The following SLC24A3 variants were observed in gnomAD, a reference collection of about 807,000 sequenced individuals.
The protein encoded by SLC24A3 is solute carrier family 24 member 3.
Under a neutral mutation model 75.8 loss-of-function variants are expected in SLC24A3, and 28 were observed. The ratio of observed to expected loss-of-function variants is 0.37; its 90% CI spans 0.27 to 0.51. SLC24A3 has a LOEUF of 0.51. Among genes scored for constraint, SLC24A3 ranks in the 20% least tolerant of loss-of-function variants. The pLI is 0.94. For missense variants in SLC24A3, 663 were observed against 847.8 expected, an observed-to-expected ratio of 0.78 and a Z score of 2.71; for synonymous variants, 372 against 334.1, an observed-to-expected ratio of 1.11 and a Z score of -1.24.
intron 11 of SLC24A3, among the ~76,000 whole-genome samples, chr20:19,684,601 T>C (rs1293873343): frequency 6.6e-6 from 1 of 152,202 alleles, no homozygotes; most frequent in East Asian, 1.9e-4. Context: ...TTTTCTTCTA[T>C]TCTTCCATTT....
chr20:19,244,640 A>G (rs1426947472), intron 1 of SLC24A3, among the ~76,000 whole-genome samples: 3 of 152,306 alleles, frequency 2.0e-5, no homozygotes, highest in East Asian at 1.9e-4. Context: ...TCAGGTGTCT[A>G]TCCTCAGGGC....
chr20:19,685,361 T>C lies in SLC24A3; in HGVS notation c.1324T>C (p.Ser442Pro). Residue 442 changes from serine to proline, a missense_variant and splice_region_variant, in exon 12 of 17, where the codon TCG (serine) becomes CCG (proline). This residue lies in a region of SLC24A3 where 510 missense variants were observed against 703.6 expected (regional missense o/e 0.72). Coordinates refer to ENST00000328041, the MANE Select transcript of SLC24A3 (RefSeq NM_020689.4). ...ACCGTACACACCATTCGACACCCCC[T>C]GTAAGAGGTTCTATGTCTGGGCTGG... ...EGPYTPFDTP[S>P]GKLETVKWAF... 1.2e-6 allele frequency: 2 copies of C among 1,613,234 alleles called. No homozygotes were observed. The highest frequency in any genetic ancestry group is 1.7e-6 in the Non-Finnish European group (2 of 1,179,250).
chr20:19,534,897 T>C (rs1344448249), intron 3 of SLC24A3, among the ~76,000 whole-genome samples: 3 of 152,230 alleles, frequency 2.0e-5, no homozygotes, highest in Non-Finnish European at 4.4e-5. Flanking sequence ...ATAGGTATTG[T>C]ATAGAAAATG....
intron 6 of SLC24A3, among the ~76,000 whole-genome samples, chr20:19,636,019 G>A (rs969784566): frequency 1.3e-5 from 2 of 152,006 alleles, no homozygotes; most frequent in African/African-American, 4.8e-5. Flanking sequence ...GGGCGCCTGT[G>A]GTCCCAGCTA....
At chr20:19,287,437 G>A (rs1300896023) in intron 2 of SLC24A3, among the ~76,000 whole-genome samples, 1 of 152,220 alleles carries the variant, frequency 6.6e-6, no homozygotes, top group African/African-American at 2.4e-5. Context: ...AACAGGTTTG[G>A]TGAACTGCTA....
chr20:19,629,948 T>C (rs962134118), intron 6 of SLC24A3, among the ~76,000 whole-genome samples: 2 of 152,160 alleles, frequency 1.3e-5, no homozygotes, highest in African/African-American at 4.8e-5. Context: ...CAAACAAAAG[T>C]ATACAAAAAT....
intron 2 of SLC24A3, among the ~76,000 whole-genome samples, chr20:19,429,279 G>A (rs1987062610): frequency 6.6e-6 from 1 of 152,210 alleles, no homozygotes; most frequent in Non-Finnish European, 1.5e-5. Context: ...CCCAGAGGAG[G>A]CTGCTGATAT....
At chr20:19,720,965 C>T (rs1031157877) in intron 16 of SLC24A3, 26 bp from the exon 17 acceptor site, 45 of 1,611,978 alleles carry the variant, frequency 2.8e-5, no homozygotes, top group Non-Finnish European at 3.6e-5. Context: ...TCCTGGTGCC[C>T]TCTGAACCTG....
intron 1 of SLC24A3, among the ~76,000 whole-genome samples, chr20:19,250,610 G>A (rs959210126): frequency 6.6e-6 from 1 of 152,186 alleles, no homozygotes; most frequent in Non-Finnish European, 1.5e-5. Flanking sequence ...CAGAAGAGAG[G>A]TGTGGCTAGA....
At chr20:19,445,176 C>G (rs187790352) in intron 2 of SLC24A3, among the ~76,000 whole-genome samples, 100 of 152,208 alleles carry the variant, frequency 6.6e-4, no homozygotes, top group African/African-American at 2.3e-3. Flanking sequence ...TGGCTTCCAC[C>G]ATCATTAGTC....
intron 2 of SLC24A3, among the ~76,000 whole-genome samples, chr20:19,492,006 G>C (rs572746158): frequency 6.6e-6 from 1 of 152,138 alleles, no homozygotes; most frequent in Non-Finnish European, 1.5e-5. Flanking sequence ...TCAAAGAGAA[G>C]GTGCATGTGC....
At chr20:19,618,541 G>A (rs1675872045) in intron 6 of SLC24A3, among the ~76,000 whole-genome samples, 1 of 152,166 alleles carries the variant, frequency 6.6e-6, no homozygotes, top group Non-Finnish European at 1.5e-5. Flanking sequence ...TCCAAATACA[G>A]CTGCCTTCTG....
chr20:19,612,113 G>T (rs6075543), intron 6 of SLC24A3, among the ~76,000 whole-genome samples: 140,857 of 152,252 alleles, frequency 0.93, 65,708 homozygotes, highest in Non-Finnish European at 0.98. Context: ...CTACTTGACA[G>T]TCTCAAATAT....
intron 2 of SLC24A3, among the ~76,000 whole-genome samples, chr20:19,315,212 G>T (rs1984557612): frequency 6.6e-6 from 1 of 152,036 alleles, no homozygotes; most frequent in Non-Finnish European, 1.5e-5. Flanking sequence ...CTCTGTGCTG[G>T]GCAGACCTGA....
intron 1 of SLC24A3, among the ~76,000 whole-genome samples, chr20:19,232,381 T>C (rs1982048101): frequency 6.6e-6 from 1 of 152,270 alleles, no homozygotes; most frequent in Non-Finnish European, 1.5e-5. Context: ...GTTGTATTTT[T>C]GACTTTTAAA....
At chr20:19,543,440 A>G (rs2030536064) in intron 3 of SLC24A3, among the ~76,000 whole-genome samples, 1 of 152,252 alleles carries the variant, frequency 6.6e-6, no homozygotes, top group South Asian at 2.1e-4. Flanking sequence ...CGAACTATGT[A>G]GCATTTATTC....
intron 2 of SLC24A3, among the ~76,000 whole-genome samples, chr20:19,296,468 T>C (rs1012587750): frequency 6.6e-6 from 1 of 152,124 alleles, no homozygotes; most frequent in African/African-American, 2.4e-5. Flanking sequence ...TCTTTCTAGC[T>C]TTTCGATATG....
intron 2 of SLC24A3, among the ~76,000 whole-genome samples, chr20:19,352,024 C>T (rs1416701022): frequency 2.7e-5 from 4 of 150,300 alleles, no homozygotes; most frequent in Admixed American, 6.7e-5. Context: ...CAGGGGATAC[C>T]GATGAAGGAG....
chr20:19,571,784 C>T (rs754487225), intron 3 of SLC24A3, among the ~76,000 whole-genome samples: 1 of 152,120 alleles, frequency 6.6e-6, no homozygotes, highest in East Asian at 1.9e-4. Flanking sequence ...GACTAAATAA[C>T]CATAGGGTGG....
Sources: allele counts gnomAD v4.1 joint callset (sites outside exome capture counted in the v4.1 genomes callset), GRCh38; gene constraint gnomAD v4.1.1; regional missense constraint gnomAD v4.1.1; transcripts MANE v1.5; gene names NCBI Gene and HGNC (gene_info 2026-07-23, HGNC 2026-07-21).